The following PTK2B variants were observed in gnomAD, a reference collection of about 807,000 sequenced individuals.
The protein encoded by PTK2B is protein tyrosine kinase 2 beta.
PTK2B carries 71 observed loss-of-function variants against 142.9 expected under a neutral mutation model. The ratio of observed to expected loss-of-function variants is 0.50; its 90% CI spans 0.41 to 0.61. The LOEUF (loss-of-function observed/expected upper bound fraction) is 0.61. Ranked by LOEUF, PTK2B falls within the 20% of genes least tolerant of loss-of-function variation. The pLI is 0.00. For missense variants in PTK2B, 1,105 were observed against 1,320.4 expected (o/e 0.84, Z 2.53); for synonymous variants, 519 against 503.4 (o/e 1.03, Z -0.42).
Position 27,329,612 on chromosome 8 carries a change from C to T in PTK2B, c.-38+3931C>T, listed in dbSNP as rs74774042. Among the ~76,000 whole-genome samples the T allele has an allele frequency of 1.2e-4, 19 of 152,160 alleles. No homozygotes were observed. The East Asian group carries it at 2.7e-3, about 22-fold the overall frequency. ...TAGAGGTGCAGAGCTGCGACGTGCCCGGGGCTGAAAGTGTGGTGATGAAGA... is the reference window on the plus strand; with the variant it reads ...TAGAGGTGCAGAGCTGCGACGTGCCTGGGGCTGAAAGTGTGGTGATGAAGA... On this transcript the variant is annotated intron_variant, in intron 1 of 30. Coordinates refer to ENST00000346049, the MANE Select transcript of PTK2B (RefSeq NM_173176.3).
chr8:27,434,151 A>C lies in PTK2B; in HGVS notation c.1145+19A>C. The C allele has an allele frequency of 1.2e-6, 2 of 1,612,698 alleles. No homozygotes were observed. The highest frequency in any genetic ancestry group is 1.7e-4 in the Middle Eastern group (1 of 6,054). ...CCATGCTGTGAGTACAATGGGGTGC[A>C]GAGGACAGGGCCCTGAGCTCAGCCT... On this transcript the variant is annotated intron_variant, in intron 12 of 30. Transcript: ENST00000346049.
chr8:27,411,097 C>T (rs1809030245), intron 2 of PTK2B, among the ~76,000 whole-genome samples: 1 of 152,154 alleles, frequency 6.6e-6, no homozygotes, highest in African/African-American at 2.4e-5. Context: ...AAAATCATGG[C>T]ACATATGGCA....
chr8:27,360,472 A>G (rs1805632932), intron 1 of PTK2B, among the ~76,000 whole-genome samples: 1 of 152,200 alleles, frequency 6.6e-6, no homozygotes, highest in Admixed American at 6.6e-5. Context: ...AGGCCAGAGG[A>G]CAGCCCAAGA....
intron 1 of PTK2B, among the ~76,000 whole-genome samples, chr8:27,361,343 C>T (rs1487457399): frequency 1.3e-5 from 2 of 152,090 alleles, no homozygotes; most frequent in South Asian, 2.1e-4. Context: ...CTTAGCCTCC[C>T]GAGTAGCTGG....
intron 1 of PTK2B, among the ~76,000 whole-genome samples, chr8:27,341,084 G>A (rs1804369842): frequency 6.6e-6 from 1 of 152,174 alleles, no homozygotes; most frequent in Non-Finnish European, 1.5e-5. Context: ...TCGGGATGAT[G>A]ACACACAGAG....
chr8:27,440,141 G>A, intron 20 of PTK2B, 96 bp from the exon 21 acceptor site: 1 of 1,293,124 alleles, frequency 7.7e-7, no homozygotes, highest in Non-Finnish European at 1.1e-6. Flanking sequence ...CGCAGGAGCT[G>A]CTCCTGGTGG....
intron 23 of PTK2B, among the ~76,000 whole-genome samples, chr8:27,444,638 G>C (rs1042776213): frequency 1.3e-5 from 2 of 152,136 alleles, no homozygotes; most frequent in Non-Finnish European, 2.9e-5. Context: ...TCCCCAAAGA[G>C]GCCCCATCCA....
intron 1 of PTK2B, among the ~76,000 whole-genome samples, chr8:27,376,716 G>A (rs1806692258): frequency 1.3e-5 from 2 of 152,172 alleles, no homozygotes; most frequent in African/African-American, 2.4e-5. Flanking sequence ...TGCCACGACA[G>A]TTTACAAATG....
At chr8:27,432,407 A>G (rs772784294) in intron 10 of PTK2B, 46 bp downstream of exon 10, 14 of 1,565,422 alleles carry the variant, frequency 8.9e-6, no homozygotes, top group Non-Finnish European at 1.2e-5. Context: ...TGCAGGGGGT[A>G]TAATGGCAGA....
At chr8:27,326,108 C>T (rs1290022626) in intron 1 of PTK2B, among the ~76,000 whole-genome samples, 1 of 152,124 alleles carries the variant, frequency 6.6e-6, no homozygotes, top group Non-Finnish European at 1.5e-5. Flanking sequence ...TATAGTCTCA[C>T]CCCCAGCCCA....
In PTK2B at chr8:27,315,222, A is replaced by G. The variant is rs1474971917; in HGVS notation, c.-414+1935A>G. On this transcript the variant is annotated intron_variant, in intron 3 of 35. Transcript: ENST00000397501. The stretch of plus-strand genomic sequence containing the variant: ...CCTGCAATTACCTGGGGAGTTTTCT[A>G]AAAGCAGTTTCCTGGGCCCACTTTA... 3.3e-5 allele frequency among the ~76,000 whole-genome samples: 5 copies of G among 152,186 alleles called. No individual in the cohort carries two copies. The East Asian group carries it at 9.6e-4, about 29-fold the overall frequency.
chr8:27,453,225 G>T (rs980597808), intron 28 of PTK2B, 65 bp downstream of exon 28: 2 of 1,574,622 alleles, frequency 1.3e-6, no homozygotes, highest in Non-Finnish European at 1.7e-6. Context: ...GAAGACCATG[G>T]TCTATGAAAG....
intron 1 of PTK2B, among the ~76,000 whole-genome samples, chr8:27,378,601 C>CCGTGTGTGTGTGTG (rs1234594101): frequency 6.7e-6 from 1 of 148,170 alleles, no homozygotes; most frequent in African/African-American, 2.5e-5. Flanking sequence ...TACAGCTTAT[C>CCGTGTGTGTGTGTG]TGTGTGTGTG....
intron 1 of PTK2B, among the ~76,000 whole-genome samples, chr8:27,337,293 G>A (rs1652652579): frequency 6.6e-6 from 1 of 152,052 alleles, no homozygotes; most frequent in Admixed American, 6.5e-5. Flanking sequence ...CTGCCATCAT[G>A]CCTGGCTAGT....
At position 27,437,399 on chromosome 8, in the gene PTK2B, T is replaced by A. The variant is rs1810851337; in HGVS notation, c.1430T>A (p.Ile477Asn). 6.2e-7 allele frequency: 1 copy of A among 1,611,544 alleles called. No homozygotes were observed. Among genetic ancestry groups the A allele is most frequent in the South Asian group, 1.1e-5 (1 of 90,726 alleles). Reference sequence around the variant, plus strand: ...CTCTTGCCCCACCACACTGCAGTGATCATGAAGAACCTCGACCACCCGCAC... The same window carrying A: ...CTCTTGCCCCACCACACTGCAGTGAACATGAAGAACCTCGACCACCCGCAC... ...NKEKFMSEAV[I>N]MKNLDHPHIV... The change falls in exon 17 of 31, where the codon ATC (isoleucine) becomes AAC (asparagine). Residue 477 changes from isoleucine (I) to asparagine (N), a missense_variant. By Grantham distance (149) the Ile-to-Asn change is moderately radical. Transcript: ENST00000346049.
At chr8:27,440,011 C>G (rs982565432) in intron 20 of PTK2B, among the ~76,000 whole-genome samples, 1 of 152,130 alleles carries the variant, frequency 6.6e-6, no homozygotes, top group African/African-American at 2.4e-5. Context: ...TCCTGCAGCA[C>G]CCTGACAGGG....
At chr8:27,327,411 T>G (rs1236974945) in intron 1 of PTK2B, among the ~76,000 whole-genome samples, 2 of 86,144 alleles carry the variant, frequency 2.3e-5, no homozygotes, top group African/African-American at 7.3e-5. Context: ...CACTCAATGG[T>G]TTTTTTTTTC....
intron 7 of PTK2B, 40 bp downstream of exon 7, chr8:27,430,458 C>G (rs1372234601): frequency 1.3e-5 from 21 of 1,609,516 alleles, no homozygotes; most frequent in Non-Finnish European, 1.7e-5. Context: ...CGTGCTGATT[C>G]CCGAGACTAG....
rs761431163 is a variant in PTK2B, at chr8:27,347,985, C to T, written c.-38+22304C>T. Reference sequence around the variant, plus strand: ...GATGGGGAGCTCCTTCTCTCTGAAGCAGCCCATTCTTCTGGCTTCAACAGC... The same window carrying T: ...GATGGGGAGCTCCTTCTCTCTGAAGTAGCCCATTCTTCTGGCTTCAACAGC... On this transcript the variant is annotated intron_variant, in intron 1 of 30. Coordinates refer to ENST00000346049, the MANE Select transcript of PTK2B (RefSeq NM_173176.3). Among the ~76,000 whole-genome samples the T allele has an allele frequency of 8.5e-5, 13 of 152,354 alleles. No homozygotes were observed. In the Middle Eastern group the frequency reaches 0.01, roughly 120 times the overall value.
Sources: gnomAD v4.1 joint callset for allele counts (sites outside exome capture counted in the v4.1 genomes callset) on GRCh38, gnomAD v4.1.1 for gene constraint, MANE v1.5 for transcripts, NCBI Gene and HGNC (gene_info 2026-07-23, HGNC 2026-07-21) for gene names.